The following SRD5A1 variants were observed in gnomAD, a reference collection of about 807,000 sequenced individuals.
SRD5A1 encodes 3-oxo-5-alpha-steroid 4-dehydrogenase 1.
SRD5A1 carries 22 observed loss-of-function variants against 28.2 expected under a neutral mutation model. The observed-to-expected ratio is 0.78, with a 90% CI of 0.56 to 1.12. The LOEUF (loss-of-function observed/expected upper bound fraction) is 1.12. SRD5A1 is among the 50% of genes most tolerant of loss of function. SRD5A1 has a pLI of 0.00. For missense variants in SRD5A1, 300 were observed against 346.7 expected, an observed-to-expected ratio of 0.87 and a Z score of 1.07; for synonymous variants, 151 against 135.0, an observed-to-expected ratio of 1.12 and a Z score of -0.82.
intron 1 of SRD5A1, among the ~76,000 whole-genome samples, chr5:6,647,203 G>A (rs192479667): frequency 1.2e-4 from 19 of 152,258 alleles, no homozygotes; most frequent in African/African-American, 4.3e-4. Flanking sequence ...CAACCATGTG[G>A]TCAATTTTAG....
intron 3 of SRD5A1, among the ~76,000 whole-genome samples, chr5:6,659,968 T>C (rs1448001755): frequency 6.6e-6 from 1 of 152,182 alleles, no homozygotes; most frequent in African/African-American, 2.4e-5. Context: ...GTGTGCCGTC[T>C]ACATCCAGTG....
intron 1 of SRD5A1, chr5:6,644,776 T>C (rs1198961452): frequency 4.7e-6 from 2 of 424,704 alleles, no homozygotes; most frequent in Non-Finnish European, 9.5e-6. Flanking sequence ...CACACGTACC[T>C]CTGTCAAAAC....
intron 3 of SRD5A1, among the ~76,000 whole-genome samples, chr5:6,659,614 C>A (rs1270604976): frequency 1.3e-5 from 2 of 152,148 alleles, no homozygotes; most frequent in African/African-American, 2.4e-5. Context: ...GGTACGCACC[C>A]TATACCGGAG....
At chr5:6,660,653 G>A (rs539401956) in intron 3 of SRD5A1, among the ~76,000 whole-genome samples, 10 of 152,348 alleles carry the variant, frequency 6.6e-5, no homozygotes, top group South Asian at 6.2e-4. Flanking sequence ...CACACATGGC[G>A]AATGACATTC....
chr5:6,661,479 C>G (rs988818207), intron 3 of SRD5A1, among the ~76,000 whole-genome samples: 5 of 148,714 alleles, frequency 3.4e-5, no homozygotes, highest in Non-Finnish European at 5.9e-5. Flanking sequence ...CTACCCTATG[C>G]TGCAGTATTT....
chr5:6,641,310 C>G (rs1262067077), intron 1 of SRD5A1, among the ~76,000 whole-genome samples: 1 of 152,174 alleles, frequency 6.6e-6, no homozygotes, highest in Non-Finnish European at 1.5e-5. Context: ...CCAAATTGGC[C>G]ACAGTCAAAG....
At position 6,633,839 on chromosome 5, in the gene SRD5A1, T is replaced by A; in HGVS notation, c.263T>A (p.Leu88Gln). The A allele has an allele frequency of 6.3e-7, 1 of 1,597,624 alleles. No homozygotes were observed. Among genetic ancestry groups the A allele is most frequent in the Non-Finnish European group, 8.5e-7 (1 of 1,179,548 alleles). ...RLRSAPNCIL[L>Q]AMFLVHYGHR... ...CGCAGCGCGCCCAACTGCATCCTCC[T>A]GGCCATGTTCCTCGTCCACTACGGG... Residue 88 changes from leucine to glutamine, a missense_variant, in exon 1 of 5, where the codon CTG becomes CAG. Physicochemically the swap from Leu to Gln is moderately radical, Grantham distance 113. Coordinates refer to ENST00000274192, the MANE Select transcript of SRD5A1 (RefSeq NM_001047.4).
In SRD5A1 at chr5:6,633,454, C is replaced by T. The variant is rs1048908651; in HGVS notation, c.-123C>T. 1.7e-6 allele frequency: 2 copies of T among 1,151,848 alleles called. No homozygotes were observed. The highest frequency in any genetic ancestry group is 1.8e-5 in the South Asian group (1 of 56,052). The allele number at this position is 1,151,848 out of a possible 1,614,324, so 71.4% of individuals were successfully genotyped here. A position where few individuals can be genotyped will look rare whatever the true frequency, so the allele number is the denominator to read the frequency against. On this transcript the variant is annotated 5_prime_UTR_variant, in exon 1 of 5. Coordinates refer to ENST00000274192, the MANE Select transcript of SRD5A1 (RefSeq NM_001047.4). ...GACTTGAGAACCCTTTCTGCAGAGTCCCGGCAGTGCGGGACTCCGGTAGCC... is the reference window on the plus strand; with the variant it reads ...GACTTGAGAACCCTTTCTGCAGAGTTCCGGCAGTGCGGGACTCCGGTAGCC...
intron 2 of SRD5A1, among the ~76,000 whole-genome samples, chr5:6,655,112 T>A (rs1738794933): frequency 6.6e-6 from 1 of 152,236 alleles, no homozygotes; most frequent in African/African-American, 2.4e-5. Context: ...CCATGTCCTT[T>A]TTCTAACTGT....
At chr5:6,639,963 CACAT>C (rs1237976800) in intron 1 of SRD5A1, among the ~76,000 whole-genome samples, 1 of 152,216 alleles carries the variant, frequency 6.6e-6, no homozygotes, top group East Asian at 1.9e-4. Flanking sequence ...TAGAGATACA[CACAT>C]ACACATACAA....
chr5:6,659,663 C>T (rs1561003301), intron 3 of SRD5A1, among the ~76,000 whole-genome samples: 3 of 152,214 alleles, frequency 2.0e-5, no homozygotes, highest in Non-Finnish European at 4.4e-5. Flanking sequence ...CTGCACGTGC[C>T]ATGAGTGGCT....
At chr5:6,658,977 C>T (rs1242126161) in intron 3 of SRD5A1, among the ~76,000 whole-genome samples, 3 of 151,758 alleles carry the variant, frequency 2.0e-5, no homozygotes, top group Admixed American at 6.6e-5. Context: ...ATTAGCCAGG[C>T]ATGGTGGTGC....
Position 6,633,640 on chromosome 5 carries a change from G to C in SRD5A1, c.64G>C (p.Ala22Pro). 6.4e-7 allele frequency: 1 copy of C among 1,556,032 alleles called. No homozygotes were observed. Among genetic ancestry groups the C allele is most frequent in the Non-Finnish European group, 8.6e-7 (1 of 1,158,096 alleles). Residue 22 changes from alanine to proline, a missense_variant, in exon 1 of 5, where the codon GCC (alanine) becomes CCC (proline). Physicochemically the swap from Ala to Pro is conservative, Grantham distance 27. This residue lies in a region of SRD5A1 where 174 missense variants were observed against 160.9 expected (regional missense o/e 1.08). Transcript: ENST00000274192. ...LLAALAYLQC[A>P]VGCAVFARNR... ...GGCCGCGCTCGCCTACCTGCAGTGC[G>C]CCGTGGGCTGCGCGGTCTTCGCGCG... is the stretch of plus-strand genomic sequence containing the variant.
chr5:6,642,575 A>G (rs1738396544), intron 1 of SRD5A1, among the ~76,000 whole-genome samples: 1 of 152,266 alleles, frequency 6.6e-6, no homozygotes, highest in Admixed American at 6.5e-5. Context: ...TACAGAACGC[A>G]GTTTGATATG....
At position 6,633,461 on chromosome 5, in the gene SRD5A1, G is replaced by C; in HGVS notation, c.-116G>C. ...GAACCCTTTCTGCAGAGTCCCGGCA[G>C]TGCGGGACTCCGGTAGCCGCCCCTC... On this transcript the variant is annotated 5_prime_UTR_variant, in exon 1 of 5. Coordinates refer to ENST00000274192, the MANE Select transcript of SRD5A1 (RefSeq NM_001047.4). 1.7e-6 allele frequency: 2 copies of C among 1,195,568 alleles called. No homozygotes were observed. The highest frequency in any genetic ancestry group is 2.2e-6 in the Non-Finnish European group (2 of 906,378). 74.1% of individuals were successfully genotyped at this position (1,195,568 alleles called of 1,614,324 possible). A position where few individuals can be genotyped will look rare whatever the true frequency, so the allele number is the denominator to read the frequency against.
At position 6,633,809 on chromosome 5, in the gene SRD5A1, G is replaced by A; in HGVS notation, c.233G>A (p.Arg78His). The change falls in exon 1 of 5, where the codon CGT becomes CAT. Residue 78 changes from arginine to histidine, a missense_variant. Arg to His is a conservative substitution (Grantham distance 29). Coordinates refer to ENST00000274192, the MANE Select transcript of SRD5A1 (RefSeq NM_001047.4). ...CAGTACGCCAGCGAGTCCGCCCCGC[G>A]TCTCCGCAGCGCGCCCAACTGCATC... ...LYQYASESAP[R>H]LRSAPNCILL... 1 of 1,597,862 alleles carries A rather than the reference G, an allele frequency of 6.3e-7. No homozygotes were observed. Among genetic ancestry groups the A allele is most frequent in the Non-Finnish European group, 8.5e-7 (1 of 1,179,644 alleles).
intron 1 of SRD5A1, among the ~76,000 whole-genome samples, chr5:6,639,614 C>A (rs1305155774): frequency 6.6e-6 from 1 of 152,144 alleles, no homozygotes; most frequent in Admixed American, 6.5e-5. Flanking sequence ...CTTTCTTTTT[C>A]CTTAGATGGA....
intron 3 of SRD5A1, among the ~76,000 whole-genome samples, chr5:6,659,709 G>A (rs991795310): frequency 1.3e-5 from 2 of 152,160 alleles, no homozygotes; most frequent in Admixed American, 1.3e-4. Flanking sequence ...TCAGGGCAGC[G>A]TTCCGTGCCA....
chr5:6,633,745 G>A lies in SRD5A1; in HGVS notation c.169G>A (p.Val57Met). The part of the protein sequence containing the change: ...RLRVPARAAW[V>M]VQELPSLALP... ...CCGAGTGCCGGCGCGGGCCGCCTGG[G>A]TGGTGCAGGAGCTGCCCTCGCTGGC... Residue 57 changes from valine (V) to methionine (M), a missense_variant, in exon 1 of 5, where the codon GTG becomes ATG. This residue lies in a region of SRD5A1 where 174 missense variants were observed against 160.9 expected (regional missense o/e 1.08). Coordinates refer to ENST00000274192, the MANE Select transcript of SRD5A1 (RefSeq NM_001047.4). The A allele has an allele frequency of 6.3e-7, 1 of 1,596,206 alleles. No individual in the cohort carries two copies. The highest frequency in any genetic ancestry group is 8.5e-7 in the Non-Finnish European group (1 of 1,178,940).
Sources: gnomAD v4.1 joint callset for allele counts (sites outside exome capture counted in the v4.1 genomes callset) on GRCh38, gnomAD v4.1.1 for gene constraint, gnomAD v4.1.1 regional missense constraint, MANE v1.5 for transcripts, NCBI Gene and HGNC (gene_info 2026-07-23, HGNC 2026-07-21) for gene names.